ENPP6: variants seen among roughly 807,000 people sequenced by gnomAD.
ENPP6 encodes ectonucleotide pyrophosphatase/phosphodiesterase 6, also known as glycerophosphocholine cholinephosphodiesterase ENPP6.
ENPP6 carries 32 observed loss-of-function variants against 42.0 expected under a neutral mutation model. That is an observed-to-expected ratio of 0.76 (90% CI 0.58 to 1.02). ENPP6 has a LOEUF of 1.02. Among genes scored for constraint, ENPP6 ranks in the 50% least tolerant of loss-of-function variants. ENPP6 has a pLI of 0.00. For missense variants in ENPP6, 552 were observed against 566.8 expected, an observed-to-expected ratio of 0.97 and a Z score of 0.27; for synonymous variants, 213 against 216.0, an observed-to-expected ratio of 0.99 and a Z score of 0.12.
intron 2 of ENPP6, among the ~76,000 whole-genome samples, chr4:184,132,858 A>T (rs866711891): frequency 2.8e-5 from 4 of 143,220 alleles, no homozygotes; most frequent in African/African-American, 1.1e-4. Context: ...TATATATATA[A>T]AATCTCCAAT....
At chr4:184,171,888 C>T (rs1257572718) in intron 1 of ENPP6, among the ~76,000 whole-genome samples, 1 of 152,020 alleles carries the variant, frequency 6.6e-6, no homozygotes, top group Non-Finnish European at 1.5e-5. Context: ...ATCTTGCTCG[C>T]GGGCGGGAGA....
At chr4:184,143,397 G>A (rs1736854661) in intron 2 of ENPP6, among the ~76,000 whole-genome samples, 1 of 152,212 alleles carries the variant, frequency 6.6e-6, no homozygotes, top group African/African-American at 2.4e-5. Flanking sequence ...CAGTGTCTGT[G>A]GGCCCTGCAA....
chr4:184,097,179 T>C (rs1735925056), intron 7 of ENPP6, 66 bp downstream of exon 7: 4 of 1,600,824 alleles, frequency 2.5e-6, no homozygotes, highest in Non-Finnish European at 3.4e-6. Context: ...CTGGCACCCG[T>C]AGCCCCCCTT....
intron 2 of ENPP6, among the ~76,000 whole-genome samples, chr4:184,134,930 G>A (rs1736708355): frequency 6.6e-6 from 1 of 151,106 alleles, no homozygotes; most frequent in Non-Finnish European, 1.5e-5. Flanking sequence ...CTCAGTTCAA[G>A]ATTTTTCTAA....
At chr4:184,156,543 C>A (rs1179184939) in intron 1 of ENPP6, among the ~76,000 whole-genome samples, 2 of 152,166 alleles carry the variant, frequency 1.3e-5, no homozygotes, top group Non-Finnish European at 2.9e-5. Flanking sequence ...CCAAACAGAG[C>A]TTGGATGTGG....
rs1736222094 is a variant in ENPP6, at chr4:184,112,665, T to C, written c.993+7A>G. The C allele has an allele frequency of 6.2e-7, 1 of 1,610,618 alleles. No individual in the cohort carries two copies. Among genetic ancestry groups the C allele is most frequent in the Admixed American group, 1.7e-5 (1 of 59,116 alleles). ...AGAGAATAAATTGGCACATATTTCA[T>C]AATTACCTCAGTTATGAACCAGCCT... On this transcript the variant is annotated splice_region_variant and intron_variant, in intron 6 of 7. Transcript: ENST00000296741.
chr4:184,119,326 TGTGTGTGTGTG>T (rs1736376558), intron 3 of ENPP6, among the ~76,000 whole-genome samples: 5 of 25,996 alleles, frequency 1.9e-4, no homozygotes, highest in African/African-American at 7.0e-4. Flanking sequence ...TGTGTGTGTG[TGTGTGTGTGTG>T]TGTGTGTGTG....
At chr4:184,210,500 A>G (rs1272199668) in intron 1 of ENPP6, among the ~76,000 whole-genome samples, 1 of 135,676 alleles carries the variant, frequency 7.4e-6, no homozygotes, top group Non-Finnish European at 1.6e-5. Flanking sequence ...AGGCCATTAC[A>G]TAATGGTAAA....
At chr4:184,145,048 G>A (rs74358621) in intron 2 of ENPP6, among the ~76,000 whole-genome samples, 1,828 of 152,320 alleles carry the variant, frequency 0.012, 38 homozygotes, top group South Asian at 0.049. Flanking sequence ...CAGGTGGAGC[G>A]CCAGGAGGAG....
intron 1 of ENPP6, among the ~76,000 whole-genome samples, chr4:184,213,370 G>A (rs1351103360): frequency 4.0e-5 from 6 of 151,820 alleles, no homozygotes; most frequent in South Asian, 2.1e-4. Context: ...CAGAATCTAC[G>A]ATGAACTCAA....
At chr4:184,103,373 A>T (rs1419411232) in intron 6 of ENPP6, among the ~76,000 whole-genome samples, 1 of 152,264 alleles carries the variant, frequency 6.6e-6, no homozygotes, top group Admixed American at 6.5e-5. Flanking sequence ...AAATCTGGTC[A>T]GATTAAAATA....
chr4:184,140,993 T>C (rs1736808445), intron 2 of ENPP6, among the ~76,000 whole-genome samples: 1 of 130,878 alleles, frequency 7.6e-6, no homozygotes, highest in Non-Finnish European at 1.7e-5. Context: ...CCTACTCATC[T>C]GACAAAGGGC....
In ENPP6 at chr4:184,126,206, T is replaced by C. The variant is rs188375240; in HGVS notation, c.422-1934A>G. The stretch of plus-strand genomic sequence containing the variant: ...GCAACAATAAATATGTTTGTTAATG[T>C]TATCAAACAGATGTTCTCTTAATAC... On this transcript the variant is annotated intron_variant, in intron 2 of 7. Coordinates refer to ENST00000296741, the MANE Select transcript of ENPP6 (RefSeq NM_153343.4). 5.9e-3 allele frequency among the ~76,000 whole-genome samples: 898 copies of C among 152,350 alleles called. 7 individuals carry two copies. The highest frequency in any genetic ancestry group is 0.034 in the South Asian group (162 of 4,826).
At chr4:184,131,783 C>A (rs1176303916) in intron 2 of ENPP6, among the ~76,000 whole-genome samples, 1 of 144,108 alleles carries the variant, frequency 6.9e-6, no homozygotes, top group Non-Finnish European at 1.5e-5. Flanking sequence ...TGTAGAGAAA[C>A]AAGGACCAAT....
intron 1 of ENPP6, among the ~76,000 whole-genome samples, chr4:184,168,448 A>G (rs1224793827): frequency 6.6e-6 from 1 of 152,216 alleles, no homozygotes. Context: ...CCCCTTGACG[A>G]AAAGAAAAGC....
intron 1 of ENPP6, among the ~76,000 whole-genome samples, chr4:184,205,001 G>A (rs1056211821): frequency 6.6e-6 from 1 of 152,052 alleles, no homozygotes; most frequent in Non-Finnish European, 1.5e-5. Flanking sequence ...CACCATCTTG[G>A]CTCACTGCAA....
chr4:184,101,278 G>A (rs1249207612), intron 6 of ENPP6, among the ~76,000 whole-genome samples: 1 of 150,518 alleles, frequency 6.6e-6, no homozygotes, highest in African/African-American at 2.4e-5. Context: ...TGTTGCACGT[G>A]TGTGTTAATG....
At chr4:184,140,399 C>T (rs567815927) in intron 2 of ENPP6, among the ~76,000 whole-genome samples, 95 of 152,184 alleles carry the variant, frequency 6.2e-4, no homozygotes, top group Non-Finnish European at 1.2e-3. Context: ...CTTTAAGGTT[C>T]ATATGGAACC....
At chr4:184,194,156 G>A (rs926264566) in intron 1 of ENPP6, among the ~76,000 whole-genome samples, 10 of 152,092 alleles carry the variant, frequency 6.6e-5, no homozygotes, top group African/African-American at 2.4e-4. Context: ...CCCACTCCTC[G>A]GTCAGCATCT....
Sources: gnomAD v4.1 joint callset for allele counts (sites outside exome capture counted in the v4.1 genomes callset) on GRCh38, gnomAD v4.1.1 for gene constraint, MANE v1.5 for transcripts, NCBI Gene and HGNC (gene_info 2026-07-23, HGNC 2026-07-21) for gene names.